The following EIF5B variants were observed in gnomAD, a reference collection of about 807,000 sequenced individuals.
EIF5B encodes eukaryotic translation initiation factor 5B.
Under a neutral mutation model 147.5 loss-of-function variants are expected in EIF5B, and 47 were observed. That is an observed-to-expected ratio of 0.32 (90% CI 0.25 to 0.41). The LOEUF (loss-of-function observed/expected upper bound fraction) is 0.41. Ranked by LOEUF, EIF5B falls within the 10% of genes least tolerant of loss-of-function variation. The pLI is 1.00. For missense variants in EIF5B, 1,064 were observed against 1,413.2 expected, an observed-to-expected ratio of 0.75 and a Z score of 3.96; for synonymous variants, 455 against 456.2, an observed-to-expected ratio of 1.00 and a Z score of 0.03.
chr2:99,382,305 C>A, intron 13 of EIF5B, 79 bp downstream of exon 13: 2 of 1,211,174 alleles, frequency 1.7e-6, no homozygotes, highest in Non-Finnish European at 1.2e-6. Flanking sequence ...GAGTCATTAA[C>A]CTTTGAGTAG....
intron 8 of EIF5B, among the ~76,000 whole-genome samples, chr2:99,369,730 A>G (rs1559251734): frequency 1.3e-5 from 2 of 152,204 alleles, no homozygotes; most frequent in Non-Finnish European, 2.9e-5. Flanking sequence ...GAAAGGATAC[A>G]CTTTGGGAGG....
intron 10 of EIF5B, among the ~76,000 whole-genome samples, chr2:99,377,689 A>G (rs1434261281): frequency 6.6e-6 from 1 of 152,170 alleles, no homozygotes; most frequent in African/African-American, 2.4e-5. Context: ...AGTTAATGGT[A>G]GTGTGTATGA....
At chr2:99,365,971 A>C (rs1024892344) in intron 6 of EIF5B, among the ~76,000 whole-genome samples, 3 of 152,146 alleles carry the variant, frequency 2.0e-5, no homozygotes, top group Non-Finnish European at 2.9e-5. Context: ...TTATTCATTG[A>C]GCTAAAAATG....
At position 99,364,421 on chromosome 2, in the gene EIF5B, G is replaced by A; in HGVS notation, c.1288G>A (p.Gly430Ser). The change falls in exon 6 of 24, where the codon GGT (glycine) becomes AGT (serine). Residue 430 changes from glycine to serine, a missense_variant and splice_region_variant. Coordinates refer to ENST00000289371, the MANE Select transcript of EIF5B (RefSeq NM_015904.4). ...EATLKLLQAQ[G>S]VEVPSKDSLP... ...TACTCTTAAACTGCTACAAGCTCAG[G>A]GTGAGTGGTACTCTTCATTAACTGA... 2 of 1,592,828 alleles carry A rather than the reference G, an allele frequency of 1.3e-6. No homozygotes were observed. The highest frequency in any genetic ancestry group is 1.7e-6 in the Non-Finnish European group (2 of 1,173,528).
chr2:99,338,251 T>G, intron 1 of EIF5B: 1 of 1,181,634 alleles, frequency 8.5e-7, no homozygotes, highest in African/African-American at 1.6e-5. Flanking sequence ...CCAACCGAGG[T>G]CGCTCCTTTC....
chr2:99,393,743 C>T (rs1389320689), intron 18 of EIF5B, among the ~76,000 whole-genome samples: 1 of 152,178 alleles, frequency 6.6e-6, no homozygotes, highest in African/African-American at 2.4e-5. Flanking sequence ...TTCACCCAGT[C>T]CTGAGTATGG....
At chr2:99,373,482 C>T (rs118142821) in intron 9 of EIF5B, among the ~76,000 whole-genome samples, 1,675 of 152,218 alleles carry the variant, frequency 0.011, 9 homozygotes, top group Middle Eastern at 0.024. Flanking sequence ...TTTCTGCGGG[C>T]GTGAATCCAT....
At chr2:99,375,755 G>A (rs751929636) in intron 9 of EIF5B, among the ~76,000 whole-genome samples, 8 of 152,112 alleles carry the variant, frequency 5.3e-5, no homozygotes, top group Non-Finnish European at 7.3e-5. Context: ...AACACCTTGC[G>A]TTTATGATGT....
rs904841874 is a variant in EIF5B at position 99,400,240 on chromosome 2, T to A, written c.*826T>A. On this transcript the variant is annotated 3_prime_UTR_variant, in exon 24 of 24. Transcript: ENST00000289371. ...CTTGATCTGTTTTAATCTTGATCTG[T>A]TTTAGTAGAGATTTTTATACATTAA... 6.6e-6 allele frequency: 1 copy of A among 152,104 alleles called. No individual in the cohort carries two copies. Among genetic ancestry groups the A allele is most frequent in the African/African-American group, 2.4e-5 (1 of 41,378 alleles). The allele number at this position is 152,104 out of a possible 1,614,324, so 9.4% of individuals were successfully genotyped here.
Position 99,351,250 on chromosome 2 carries a change from T to C in EIF5B, c.36-8986T>C, listed in dbSNP as rs377065345. On this transcript the variant is annotated intron_variant, in intron 1 of 23. Transcript: ENST00000289371. Reference sequence around the variant, plus strand: ...GGTTTCACTTAGTACAGTATACTTTTGAGATTCATCTATGTTAGTGCTTGT... The same window carrying C: ...GGTTTCACTTAGTACAGTATACTTTCGAGATTCATCTATGTTAGTGCTTGT... 3.8e-4 allele frequency among the ~76,000 whole-genome samples: 58 copies of C among 152,366 alleles called. No homozygotes were observed. In the East Asian group the frequency reaches 7.1e-3, roughly 19 times the overall value.
intron 22 of EIF5B, 99 bp from the exon 23 acceptor site, chr2:99,398,649 C>G (rs1243257953): frequency 1.5e-6 from 2 of 1,304,054 alleles, no homozygotes; most frequent in Admixed American, 2.7e-5. Flanking sequence ...ACTTTTAAAA[C>G]AGGCTTTTGC....
chr2:99,399,033 T>TA (rs1675134727), intron 23 of EIF5B, 124 bp downstream of exon 23: 2 of 1,185,024 alleles, frequency 1.7e-6, no homozygotes, highest in South Asian at 3.2e-5. Flanking sequence ...GGATCCCCCA[T>TA]TAGGGCTTGA....
rs1265488971 is a variant in EIF5B, at chr2:99,341,772, CAT to C, written c.35+4184_35+4185del. 2.0e-5 allele frequency among the ~76,000 whole-genome samples: 3 copies of C among 152,278 alleles called. No individual in the cohort carries two copies. The East Asian group carries it at 5.8e-4, about 29-fold the overall frequency. On this transcript the variant is annotated intron_variant, in intron 1 of 23. Coordinates refer to ENST00000289371, the MANE Select transcript of EIF5B (RefSeq NM_015904.4). ...AATAAACTTACACTATGATACATAA[CAT>C]TATTAAATAACCATATTTTCAAAAA...
At position 99,360,308 on chromosome 2, in the gene EIF5B, G is replaced by A; in HGVS notation, c.108G>A (p.Glu36=). ...GAGCTGGTGCTGCCAAAGAACAGGA[G>A]CCTCAAAAGTCAAAAGGGAAAAAGA... is the stretch of plus-strand genomic sequence containing the variant. ...IEGAGAAKEQ[E]PQKSKGKKKK... is the part of the protein sequence containing the mutation. The change falls in exon 2 of 24, where the codon GAG becomes GAA. Residue 36 remains glutamate, a synonymous_variant. Transcript: ENST00000289371. 6.2e-7 allele frequency: 1 copy of A among 1,611,930 alleles called. No homozygotes were observed. The highest frequency in any genetic ancestry group is 8.5e-7 in the Non-Finnish European group (1 of 1,179,284).
Position 99,360,355 on chromosome 2 carries a change from A to G in EIF5B, c.155A>G (p.Asp52Gly), listed in dbSNP as rs2105344318. 6.3e-7 allele frequency: 1 copy of G among 1,597,408 alleles called. No individual in the cohort carries two copies. The highest frequency in any genetic ancestry group is 8.5e-7 in the Non-Finnish European group (1 of 1,172,146). The change falls in exon 2 of 24, where the codon GAC becomes GGC. Residue 52 changes from aspartate to glycine, a missense_variant. By Grantham distance (94) the Asp-to-Gly change is moderately conservative (BLOSUM62 -1). Around this residue, in one of 4 missense-constraint regions of EIF5B, gnomAD observed 458 missense variants for 451.3 expected, o/e 1.01. Transcript: ENST00000289371. ...AAGAAAAAAGAGAAAAAAAAGCAGGACTTTGAGTAAGTATATTTTAAATAT... is the reference window on the plus strand; with the variant it reads ...AAGAAAAAAGAGAAAAAAAAGCAGGGCTTTGAGTAAGTATATTTTAAATAT... ...GKKKKEKKKQ[D>G]FDEDDILKEL...
Position 99,399,449 on chromosome 2 carries a change from A to T in EIF5B, c.*35A>T. On this transcript the variant is annotated 3_prime_UTR_variant, in exon 24 of 24. Coordinates refer to ENST00000289371, the MANE Select transcript of EIF5B (RefSeq NM_015904.4). ...ATGGAGCAGGAACTGGAGTAAATGC[A>T]ATACTGTGTTGTAATATCCCAACAA... 1 of 1,585,406 alleles carries T rather than the reference A, an allele frequency of 6.3e-7. No individual in the cohort carries two copies. Among genetic ancestry groups the T allele is most frequent in the Non-Finnish European group, 8.7e-7 (1 of 1,155,202 alleles).
intron 6 of EIF5B, among the ~76,000 whole-genome samples, chr2:99,367,175 CCAGTT>C (rs1225325053): frequency 6.6e-6 from 1 of 152,116 alleles, no homozygotes; most frequent in Non-Finnish European, 1.5e-5. Context: ...TTGAGAAAGA[CCAGTT>C]CAGAACTTTT....
In EIF5B at chr2:99,390,217, AG is replaced by A; in HGVS notation, c.2405del. ...GGCATTTTGGATGATTTTTGCTCCT[AG>A]GGTTTGAATGCTGCTTTGTTTTATG... On this transcript the variant is annotated splice_acceptor_variant, in intron 15 of 23. Coordinates refer to ENST00000289371, the MANE Select transcript of EIF5B (RefSeq NM_015904.4). LOFTEE classifies it high-confidence loss of function. 1 of 1,613,778 alleles carries A rather than the reference AG, an allele frequency of 6.2e-7. No homozygotes were observed. The highest frequency in any genetic ancestry group is 8.5e-7 in the Non-Finnish European group (1 of 1,179,836).
chr2:99,393,009 G>A lies in EIF5B; in HGVS notation c.2791G>A (p.Val931Ile), dbSNP rs1231824764. ...KHKEVEAAQG[V>I]KILGKDLEKT... ...TAAAGAAGTAGAAGCAGCTCAGGGG[G>A]TAAAGATTCTTGGAAAAGACCTGGA... is the stretch of plus-strand genomic sequence containing the variant. Residue 931 changes from valine to isoleucine, a missense_variant, in exon 18 of 24, where the codon GTA becomes ATA. This residue lies in a region of EIF5B where 380 missense variants were observed against 715.6 expected (regional missense o/e 0.53). Transcript: ENST00000289371. The A allele has an allele frequency of 1.3e-6, 2 of 1,586,010 alleles. No homozygotes were observed. Among genetic ancestry groups the A allele is most frequent in the East Asian group, 2.3e-5 (1 of 43,140 alleles).
Sources: allele counts gnomAD v4.1 joint callset (sites outside exome capture counted in the v4.1 genomes callset), GRCh38; gene constraint gnomAD v4.1.1; regional missense constraint gnomAD v4.1.1; transcripts MANE v1.5; gene names NCBI Gene and HGNC (gene_info 2026-07-23, HGNC 2026-07-21).